The following KPNA6 variants were observed in gnomAD, a reference collection of about 807,000 sequenced individuals.
KPNA6 encodes the protein importin subunit alpha-7.
In KPNA6, 9 loss-of-function variants were observed where a neutral mutation model predicts 72.0. The observed-to-expected ratio is 0.13, with a 90% CI of 0.08 to 0.22. The LOEUF (loss-of-function observed/expected upper bound fraction) is 0.22, where lower values mean the gene tolerates loss of function less well. Among genes scored for constraint, KPNA6 ranks in the 10% least tolerant of loss-of-function variants. KPNA6 has a pLI of 1.00. For missense variants in KPNA6, 374 were observed against 655.7 expected (o/e 0.57, Z 4.69); for synonymous variants, 219 against 242.1 (o/e 0.90, Z 0.89).
chr1:32,115,901 A>G (rs1485940858), intron 1 of KPNA6, among the ~76,000 whole-genome samples: 1 of 151,822 alleles, frequency 6.6e-6, no homozygotes, highest in Non-Finnish European at 1.5e-5. Flanking sequence ...CCGCCACCAC[A>G]TCTGGCTAAT....
intron 11 of KPNA6, among the ~76,000 whole-genome samples, chr1:32,166,663 C>T (rs1249268610): frequency 7.0e-6 from 1 of 143,608 alleles, no homozygotes; most frequent in African/African-American, 2.6e-5. Flanking sequence ...GGCATGGTGG[C>T]TCATGCTTGT....
intron 11 of KPNA6, 24 bp from the exon 12 acceptor site, chr1:32,167,145 T>C: frequency 6.2e-7 from 1 of 1,610,390 alleles, no homozygotes; most frequent in Non-Finnish European, 8.5e-7. Context: ...TCCTTCCATC[T>C]GCCTCCTCTC....
chr1:32,134,637 CAAAAA>C (rs777730986), intron 1 of KPNA6, among the ~76,000 whole-genome samples: 1 of 83,622 alleles, frequency 1.2e-5, no homozygotes. Context: ...GAGTCTGTCT[CAAAAA>C]AAAAAAAAAA....
intron 12 of KPNA6, among the ~76,000 whole-genome samples, chr1:32,167,520 G>A (rs1642361338): frequency 6.6e-6 from 1 of 151,996 alleles, no homozygotes; most frequent in African/African-American, 2.4e-5. Context: ...CACTATAACA[G>A]TTTACCAGTT....
intron 10 of KPNA6, among the ~76,000 whole-genome samples, chr1:32,163,961 A>G (rs983525898): frequency 6.6e-6 from 1 of 152,222 alleles, no homozygotes; most frequent in Non-Finnish European, 1.5e-5. Flanking sequence ...CATTGGCATA[A>G]AGTACATTCA....
intron 1 of KPNA6, among the ~76,000 whole-genome samples, chr1:32,128,389 A>ATATATT (rs1553127107): frequency 3.1e-5 from 1 of 32,000 alleles, no homozygotes; most frequent in Non-Finnish European, 5.2e-5. Context: ...ATATGTATTT[A>ATATATT]TATATATATA....
At chr1:32,146,169 T>C (rs1425908666) in intron 1 of KPNA6, among the ~76,000 whole-genome samples, 1 of 152,240 alleles carries the variant, frequency 6.6e-6, no homozygotes, top group Non-Finnish European at 1.5e-5. Context: ...TGTCTAGGTG[T>C]TCTGTTCATT....
rs80288008 is a variant in KPNA6, at chr1:32,117,645, A to G, written c.4+9511A>G. Among the ~76,000 whole-genome samples, 830 of 152,230 alleles carry G rather than the reference A, an allele frequency of 5.5e-3. 11 individuals are homozygous for G. Among genetic ancestry groups the G allele is most frequent in the African/African-American group, 0.019 (799 of 41,564 alleles). ...TCTCAAGACAAAAACAATAACAACA[A>G]TAAAAAAACACACAGTATCGGTGAA... On this transcript the variant is annotated intron_variant, in intron 1 of 13. Transcript: ENST00000373625.
At chr1:32,168,201 T>A (rs1336570879) in intron 12 of KPNA6, among the ~76,000 whole-genome samples, 2 of 152,174 alleles carry the variant, frequency 1.3e-5, no homozygotes, top group Non-Finnish European at 2.9e-5. Context: ...GAAATTAATT[T>A]GGGATATGAG....
chr1:32,110,214 A>G (rs113707886), intron 1 of KPNA6, among the ~76,000 whole-genome samples: 19,533 of 151,250 alleles, frequency 0.13, 1,696 homozygotes, highest in South Asian at 0.25. Flanking sequence ...ACAGGCATCC[A>G]CCACCACACC....
intron 1 of KPNA6, among the ~76,000 whole-genome samples, chr1:32,145,721 C>T (rs981969289): frequency 6.6e-6 from 1 of 151,764 alleles, no homozygotes; most frequent in African/African-American, 2.4e-5. Flanking sequence ...TCTTCAAAAT[C>T]AGTTGGCTGG....
At chr1:32,157,215 C>A in intron 3 of KPNA6, 131 bp from the exon 4 acceptor site, 1 of 666,204 alleles carries the variant, frequency 1.5e-6, no homozygotes, top group Non-Finnish European at 2.6e-6. Flanking sequence ...TAAACAGACC[C>A]CTTCTCCTGA....
At position 32,173,112 on chromosome 1, in the gene KPNA6, G is replaced by A. The variant is rs1179060464; in HGVS notation, c.*2218G>A. ...ACTCCCAATCTCCCAGGAAGGCAGGGGGCAGAATCTTTTTTTCACTTGGCC... is the reference window on the plus strand; with the variant it reads ...ACTCCCAATCTCCCAGGAAGGCAGGAGGCAGAATCTTTTTTTCACTTGGCC... On this transcript the variant is annotated 3_prime_UTR_variant, in exon 14 of 14. Transcript: ENST00000373625. 1.0e-5 allele frequency: 4 copies of A among 395,870 alleles called. No homozygotes were observed. The highest frequency in any genetic ancestry group is 1.8e-5 in the Non-Finnish European group (4 of 225,828). 24.5% of individuals were successfully genotyped at this position (395,870 alleles called of 1,614,324 possible). A position where few individuals can be genotyped will look rare whatever the true frequency, so the allele number is the denominator to read the frequency against.
intron 1 of KPNA6, among the ~76,000 whole-genome samples, chr1:32,115,357 C>T (rs1050284165): frequency 5.9e-5 from 9 of 152,032 alleles, no homozygotes; most frequent in African/African-American, 2.2e-4. Context: ...CCAGGATGGT[C>T]TCGATCTCCT....
At chr1:32,136,873 A>C (rs1207549292) in intron 1 of KPNA6, among the ~76,000 whole-genome samples, 1 of 152,234 alleles carries the variant, frequency 6.6e-6, no homozygotes, top group Non-Finnish European at 1.5e-5. Flanking sequence ...CTGGTTTTCA[A>C]ATCAAAGCCT....
At chr1:32,134,986 A>T (rs1468648259) in intron 1 of KPNA6, among the ~76,000 whole-genome samples, 1 of 150,810 alleles carries the variant, frequency 6.6e-6, no homozygotes, top group Admixed American at 6.6e-5. Flanking sequence ...GCTCACCACA[A>T]CCTCTGCTTT....
At chr1:32,152,712 G>T (rs1642056030) in intron 1 of KPNA6, among the ~76,000 whole-genome samples, 1 of 152,058 alleles carries the variant, frequency 6.6e-6, no homozygotes, top group Non-Finnish European at 1.5e-5. Flanking sequence ...AGACGTGGTG[G>T]CGGGCGCCTG....
rs1160570692 is a variant in KPNA6, at chr1:32,158,234, C to A, written c.332-33C>A. 3 of 1,454,712 alleles carry A rather than the reference C, an allele frequency of 2.1e-6. No individual in the cohort carries two copies. In the African/African-American group the frequency reaches 4.2e-5, roughly 20 times the overall value. The allele number at this position is 1,454,712 out of a possible 1,614,324, so 90.1% of individuals were successfully genotyped here. On this transcript the variant is annotated intron_variant, in intron 4 of 13. Transcript: ENST00000373625. Reference sequence around the variant, plus strand: ...ATGAAGGGATCAGCAAAAGCTTCTCCTGTGTTTTTATTTTCCCTTCTCCCT... The same window carrying A: ...ATGAAGGGATCAGCAAAAGCTTCTCATGTGTTTTTATTTTCCCTTCTCCCT...
chr1:32,120,951 C>T (rs1641423283), intron 1 of KPNA6, among the ~76,000 whole-genome samples: 1 of 151,434 alleles, frequency 6.6e-6, no homozygotes, highest in Non-Finnish European at 1.5e-5. Flanking sequence ...TCACTGCAAC[C>T]TTTATCTCCT....
Sources: allele counts gnomAD v4.1 joint callset (sites outside exome capture counted in the v4.1 genomes callset), GRCh38; gene constraint gnomAD v4.1.1; transcripts MANE v1.5; gene names NCBI Gene and HGNC (gene_info 2026-07-23, HGNC 2026-07-21).